MCTP2: variants seen among roughly 807,000 people sequenced by gnomAD.
MCTP2 encodes multiple C2 and transmembrane domain-containing protein 2.
In MCTP2, 132 loss-of-function variants were observed where a neutral mutation model predicts 111.6. The ratio of observed to expected loss-of-function variants is 1.18; its 90% CI spans 1.03 to 1.37. The LOEUF (loss-of-function observed/expected upper bound fraction) is 1.37. MCTP2 is among the 40% of genes most tolerant of loss of function. MCTP2 has a pLI of 0.00. For missense variants in MCTP2, 1,183 were observed against 1,067.9 expected (o/e 1.11, Z -1.50); for synonymous variants, 395 against 387.7 (o/e 1.02, Z -0.22).
At chr15:94,244,674 C>G (rs908101046) in intron 1 of MCTP2, among the ~76,000 whole-genome samples, 5 of 145,204 alleles carry the variant, frequency 3.4e-5, no homozygotes, top group Admixed American at 6.7e-5. Flanking sequence ...ACATATCCAC[C>G]TATGTTTATA....
At position 94,451,062 on chromosome 15, in the gene MCTP2, A is replaced by T. The variant is rs926673415; in HGVS notation, c.2251-7075A>T. On this transcript the variant is annotated intron_variant, in intron 19 of 22. Coordinates refer to ENST00000357742, the MANE Select transcript of MCTP2 (RefSeq NM_001385001.1). ...GGAAAGATTTGCCCTGATTTTTAAAATTTTTTTTCTTTTTTAAAAAAGAAC... is the reference window on the plus strand; with the variant it reads ...GGAAAGATTTGCCCTGATTTTTAAATTTTTTTTTCTTTTTTAAAAAAGAAC... 6.6e-5 allele frequency among the ~76,000 whole-genome samples: 10 copies of T among 152,146 alleles called. No individual in the cohort carries two copies. In the East Asian group the frequency reaches 7.7e-4, roughly 12 times the overall value.
chr15:94,235,247 T>C (rs1299777550), intron 1 of MCTP2, among the ~76,000 whole-genome samples: 1 of 123,530 alleles, frequency 8.1e-6, no homozygotes, highest in African/African-American at 3.1e-5. Context: ...AGAGCGAAAC[T>C]CCGTCTCAAA....
intron 1 of MCTP2, among the ~76,000 whole-genome samples, chr15:94,244,356 A>T (rs1482183680): frequency 6.7e-6 from 1 of 149,374 alleles, no homozygotes; most frequent in African/African-American, 2.4e-5. Flanking sequence ...GTATACACAT[A>T]CATATGTATA....
intron 1 of MCTP2, among the ~76,000 whole-genome samples, chr15:94,252,462 A>ATCC (rs1236552100): frequency 6.6e-5 from 10 of 152,214 alleles, no homozygotes; most frequent in African/African-American, 2.2e-4. Flanking sequence ...GGCAGATCAA[A>ATCC]AGATCTGGAT....
intron 19 of MCTP2, among the ~76,000 whole-genome samples, chr15:94,455,926 A>AT (rs2084807084): frequency 6.6e-6 from 1 of 152,238 alleles, no homozygotes; most frequent in Non-Finnish European, 1.5e-5. Context: ...ATATATGAAT[A>AT]TATATCACAA....
At chr15:94,278,785 T>C (rs1049124712) in intron 1 of MCTP2, among the ~76,000 whole-genome samples, 1 of 152,156 alleles carries the variant, frequency 6.6e-6, no homozygotes, top group Non-Finnish European at 1.5e-5. Flanking sequence ...CTATATGTAC[T>C]CAGTGTTTAG....
Position 94,245,127 on chromosome 15 carries a change from C to T in MCTP2, c.-66+13463C>T, listed in dbSNP as rs149285512. On this transcript the variant is annotated intron_variant, in intron 1 of 22. Coordinates refer to ENST00000357742, the MANE Select transcript of MCTP2 (RefSeq NM_001385001.1). ...ATGTTTATATATGTATATGTATACA[C>T]ATGTGTATATATTTATACACACATG... 9.4e-5 allele frequency among the ~76,000 whole-genome samples: 14 copies of T among 148,352 alleles called. No homozygotes were observed. The East Asian group carries it at 2.9e-3, about 30-fold the overall frequency.
At chr15:94,383,773 G>C (rs2080292145) in intron 12 of MCTP2, among the ~76,000 whole-genome samples, 1 of 152,188 alleles carries the variant, frequency 6.6e-6, no homozygotes, top group African/African-American at 2.4e-5. Context: ...GATGATATTT[G>C]GGTGGGGACA....
rs2074749304 is a variant in MCTP2 at position 94,481,967 on chromosome 15, C to T, written c.*2933C>T. 6.6e-6 allele frequency: 1 copy of T among 152,202 alleles called. No homozygotes were observed. The highest frequency in any genetic ancestry group is 2.4e-5 in the African/African-American group (1 of 41,532). 9.4% of individuals were successfully genotyped at this position (152,202 alleles called of 1,614,324 possible). Reference sequence around the variant, plus strand: ...GTGTGATATTATTTATAATCCCTGACTATGTCAATTATAAACTTTTAAATT... The same window carrying T: ...GTGTGATATTATTTATAATCCCTGATTATGTCAATTATAAACTTTTAAATT... On this transcript the variant is annotated 3_prime_UTR_variant, in exon 23 of 23. Coordinates refer to ENST00000357742, the MANE Select transcript of MCTP2 (RefSeq NM_001385001.1).
At chr15:94,427,100 G>A (rs2082930906) in intron 17 of MCTP2, among the ~76,000 whole-genome samples, 2 of 152,206 alleles carry the variant, frequency 1.3e-5, no homozygotes, top group South Asian at 4.1e-4. Flanking sequence ...AGAAATGAAT[G>A]TAGAATGTCC....
At chr15:94,254,830 A>G (rs2072663316) in intron 1 of MCTP2, among the ~76,000 whole-genome samples, 1 of 152,242 alleles carries the variant, frequency 6.6e-6, no homozygotes, top group African/African-American at 2.4e-5. Context: ...ATTGATGAGT[A>G]CTTAGAAACT....
intron 14 of MCTP2, among the ~76,000 whole-genome samples, chr15:94,390,078 A>ACATG (rs1451561867): frequency 4.2e-5 from 2 of 47,288 alleles, no homozygotes; most frequent in Admixed American, 2.4e-4. Flanking sequence ...ATATATATAT[A>ACATG]TATATATATA....
At chr15:94,414,623 G>T (rs1259906769) in intron 17 of MCTP2, among the ~76,000 whole-genome samples, 2 of 152,172 alleles carry the variant, frequency 1.3e-5, no homozygotes, top group African/African-American at 4.8e-5. Flanking sequence ...CTGCAGGATA[G>T]ATGAAGATTT....
intron 8 of MCTP2, among the ~76,000 whole-genome samples, chr15:94,349,772 A>G (rs2078199402): frequency 6.7e-6 from 1 of 149,298 alleles, no homozygotes; most frequent in Non-Finnish European, 1.5e-5. Context: ...GTGAGCCGAG[A>G]TCGCAGCACT....
intron 2 of MCTP2, among the ~76,000 whole-genome samples, chr15:94,304,510 C>T (rs772643661): frequency 5.9e-5 from 9 of 152,186 alleles, no homozygotes; most frequent in Non-Finnish European, 1.2e-4. Context: ...TCATTTTTGT[C>T]AAATCACACA....
intron 17 of MCTP2, among the ~76,000 whole-genome samples, chr15:94,428,970 T>C (rs2083024279): frequency 6.6e-6 from 1 of 152,126 alleles, no homozygotes; most frequent in African/African-American, 2.4e-5. Flanking sequence ...TGTATTACAC[T>C]TCTATAATCC....
rs547119391 is a variant in MCTP2, at chr15:94,243,943, A to G, written c.-66+12279A>G. 1.6e-3 allele frequency among the ~76,000 whole-genome samples: 230 copies of G among 144,926 alleles called. 2 individuals carry two copies. The highest frequency in any genetic ancestry group is 5.9e-3 in the African/African-American group (227 of 38,556). On this transcript the variant is annotated intron_variant, in intron 1 of 22. Coordinates refer to ENST00000357742, the MANE Select transcript of MCTP2 (RefSeq NM_001385001.1). ...TATTTACACATATGTGTACACATAC[A>G]TATATGTGTATATATTTACACACAC...
intron 1 of MCTP2, among the ~76,000 whole-genome samples, chr15:94,251,917 G>A (rs12101454): frequency 6.6e-6 from 1 of 151,924 alleles, no homozygotes; most frequent in African/African-American, 2.4e-5. Flanking sequence ...CTTATTTCCC[G>A]TAGCATAATG....
rs566963042 is a variant in MCTP2 at position 94,280,519 on chromosome 15, A to C, written c.-65-17682A>C. On this transcript the variant is annotated intron_variant, in intron 1 of 22. Coordinates refer to ENST00000357742, the MANE Select transcript of MCTP2 (RefSeq NM_001385001.1). ...TCTTTTTTTTTTCTTCATTAGTCTC[A>C]CTACCAATCTTATTCTTTCAAATAA... Among the ~76,000 whole-genome samples, 5 of 145,864 alleles carry C rather than the reference A, an allele frequency of 3.4e-5. No individual in the cohort carries two copies. The South Asian group carries it at 8.6e-4, about 25-fold the overall frequency.
Sources: allele counts gnomAD v4.1 joint callset (sites outside exome capture counted in the v4.1 genomes callset), GRCh38; gene constraint gnomAD v4.1.1; transcripts MANE v1.5; gene names NCBI Gene and HGNC (gene_info 2026-07-23, HGNC 2026-07-21).